The following ZBTB43 variants were observed in gnomAD, a reference collection of about 807,000 sequenced individuals.
ZBTB43 encodes the protein zinc finger and BTB domain-containing protein 43.
Under a neutral mutation model 31.1 loss-of-function variants are expected in ZBTB43, and 6 were observed. The observed-to-expected ratio is 0.19, with a 90% confidence interval of 0.11 to 0.38. The LOEUF is 0.38. ZBTB43 is among the 10% of genes least tolerant of loss of function. ZBTB43 has a pLI of 1.00. For synonymous variants in ZBTB43, 212 were observed against 221.7 expected (o/e 0.96, Z 0.39); for missense variants, 379 against 602.1 (o/e 0.63, Z 3.88).
intron 2 of ZBTB43, among the ~76,000 whole-genome samples, chr9:126,822,601 C>T (rs902397906): frequency 2.6e-5 from 4 of 152,120 alleles, no homozygotes; most frequent in African/African-American, 4.8e-5. Flanking sequence ...ATTAGCTGAA[C>T]ATGGTGATGC....
intron 2 of ZBTB43, among the ~76,000 whole-genome samples, chr9:126,816,916 C>T (rs921359498): frequency 3.3e-5 from 5 of 152,180 alleles, no homozygotes; most frequent in East Asian, 1.9e-4. Flanking sequence ...TAATGTGCAA[C>T]CTTTGGTATC....
chr9:126,810,125 G>A (rs548399114), intron 2 of ZBTB43, among the ~76,000 whole-genome samples: 2 of 151,996 alleles, frequency 1.3e-5, no homozygotes, highest in African/African-American at 2.4e-5. Context: ...GTGAGCCACC[G>A]CGCCCGGCCC....
At position 126,810,923 on chromosome 9, in the gene ZBTB43, C is replaced by G. The variant is rs189845415; in HGVS notation, c.-24+2008C>G. Among the ~76,000 whole-genome samples, 580 of 151,836 alleles carry G rather than the reference C, an allele frequency of 3.8e-3. 14 individuals are homozygous for G. The highest frequency in any genetic ancestry group is 0.032 in the Admixed American group (496 of 15,264). Reference sequence around the variant, plus strand: ...CACGTTTACTTTCCATACTCTGAAACTATAGTGATATTCACAGCCAGGCAC... The same window carrying G: ...CACGTTTACTTTCCATACTCTGAAAGTATAGTGATATTCACAGCCAGGCAC... On this transcript the variant is annotated intron_variant, in intron 2 of 2. Transcript: ENST00000373464.
At chr9:126,809,142 T>A (rs541182090) in intron 2 of ZBTB43, among the ~76,000 whole-genome samples, 1 of 152,366 alleles carries the variant, frequency 6.6e-6, no homozygotes, top group South Asian at 2.1e-4. Context: ...AAGTGAATTT[T>A]TTTTCTTAAC....
Position 126,837,817 on chromosome 9 carries a change from G to A in ZBTB43, c.*3904G>A, listed in dbSNP as rs1051756458. 1 of 166,094 alleles carries A rather than the reference G, an allele frequency of 6.0e-6. No individual in the cohort carries two copies. Among genetic ancestry groups the A allele is most frequent in the Non-Finnish European group, 1.5e-5 (1 of 67,984 alleles). 10.3% of individuals were successfully genotyped at this position (166,094 alleles called of 1,614,324 possible). ...GATAGTGCCCTATGGGGAGATGCTG[G>A]AACACATTTTGCAAATGTGACTTTT... On this transcript the variant is annotated 3_prime_UTR_variant, in exon 3 of 3. Coordinates refer to ENST00000373464, the MANE Select transcript of ZBTB43 (RefSeq NM_014007.4).
chr9:126,809,662 T>G (rs780685345), intron 2 of ZBTB43, among the ~76,000 whole-genome samples: 2 of 152,216 alleles, frequency 1.3e-5, no homozygotes, highest in African/African-American at 2.4e-5. Context: ...GAAGGAATCT[T>G]GAAGGTCATC....
chr9:126,813,233 G>A (rs1052839788), intron 2 of ZBTB43, among the ~76,000 whole-genome samples: 10 of 152,058 alleles, frequency 6.6e-5, no homozygotes, highest in African/African-American at 2.4e-4. Flanking sequence ...ACGTGCCTCA[G>A]CCTCCCAAAA....
intron 2 of ZBTB43, among the ~76,000 whole-genome samples, chr9:126,824,971 G>T (rs2032599512): frequency 6.6e-6 from 1 of 152,104 alleles, no homozygotes. Context: ...TTGAGACAGG[G>T]TCTCACTCTG....
At chr9:126,829,947 A>G (rs2032729605) in intron 2 of ZBTB43, among the ~76,000 whole-genome samples, 1 of 152,212 alleles carries the variant, frequency 6.6e-6, no homozygotes, top group Admixed American at 6.5e-5. Context: ...TTACTATGAA[A>G]TGTTTTAAGA....
At chr9:126,817,141 TTCTC>T (rs2032405824) in intron 2 of ZBTB43, among the ~76,000 whole-genome samples, 1 of 143,580 alleles carries the variant, frequency 7.0e-6, no homozygotes, top group African/African-American at 2.8e-5. Context: ...GACAGAGTCT[TTCTC>T]TGTCACCCAG....
rs551443615 is a variant in ZBTB43 at position 126,805,482 on chromosome 9, G to T, written c.-147+350G>T. ...GGGCGTAGGGTGGGCGCGGCTTGAC[G>T]ACCTCGGGTTCGAGCCACCAATGCC... On this transcript the variant is annotated intron_variant, in intron 1 of 2. Coordinates refer to ENST00000373464, the MANE Select transcript of ZBTB43 (RefSeq NM_014007.4). 2.2e-3 allele frequency among the ~76,000 whole-genome samples: 333 copies of T among 152,336 alleles called. 3 individuals carry two copies. Among genetic ancestry groups the T allele is most frequent in the African/African-American group, 7.2e-3 (299 of 41,592 alleles).
chr9:126,810,327 TG>T (rs890975298), intron 2 of ZBTB43, among the ~76,000 whole-genome samples: 2 of 151,916 alleles, frequency 1.3e-5, no homozygotes, highest in African/African-American at 4.8e-5. Context: ...CCTGAGTAGC[TG>T]GGATTACAGG....
intron 2 of ZBTB43, among the ~76,000 whole-genome samples, chr9:126,825,949 C>T (rs1285744179): frequency 1.3e-5 from 2 of 149,040 alleles, no homozygotes; most frequent in East Asian, 3.9e-4. Flanking sequence ...CGGGCTCAAG[C>T]GATTCTCATG....
chr9:126,804,291 A>G (rs1190431795), upstream of ZBTB43, among the ~76,000 whole-genome samples: 1 of 152,146 alleles, frequency 6.6e-6, no homozygotes, highest in Non-Finnish European at 1.5e-5. Context: ...GCCCAGCACA[A>G]TGCAGCCCAC....
Position 126,834,019 on chromosome 9 carries a change from A to T in ZBTB43, c.*106A>T, listed in dbSNP as rs1266200945. ...CTACTTGCTATTATGAGAGAAGCTTAAAAAAAAAAAGGAAGATATTTCTGA... is the reference window on the plus strand; with the variant it reads ...CTACTTGCTATTATGAGAGAAGCTTTAAAAAAAAAAGGAAGATATTTCTGA... On this transcript the variant is annotated 3_prime_UTR_variant, in exon 3 of 3. Coordinates refer to ENST00000373464, the MANE Select transcript of ZBTB43 (RefSeq NM_014007.4). 9 of 576,756 alleles carry T rather than the reference A, an allele frequency of 1.6e-5. No individual in the cohort carries two copies. The highest frequency in any genetic ancestry group is 1.0e-4 in the African/African-American group (5 of 49,288). 35.7% of individuals were successfully genotyped at this position (576,756 alleles called of 1,614,324 possible).
intron 1 of ZBTB43, among the ~76,000 whole-genome samples, 165 bp downstream of exon 1, chr9:126,805,297 C>T (rs1482216588): frequency 1.3e-5 from 2 of 152,230 alleles, no homozygotes; most frequent in African/African-American, 4.8e-5. Flanking sequence ...GGTCCCGGCG[C>T]TCCAGCTCCG....
At chr9:126,820,766 A>G (rs547474994) in intron 2 of ZBTB43, among the ~76,000 whole-genome samples, 3 of 152,002 alleles carry the variant, frequency 2.0e-5, no homozygotes, top group South Asian at 4.2e-4. Flanking sequence ...CTAGGGGTCC[A>G]AGACCAACCT....
intron 2 of ZBTB43, among the ~76,000 whole-genome samples, chr9:126,813,270 A>G (rs2032290193): frequency 2.0e-5 from 3 of 152,188 alleles, no homozygotes; most frequent in Admixed American, 2.0e-4. Flanking sequence ...GTGAGCCACC[A>G]TGCCTGGCCC....
At position 126,833,328 on chromosome 9, in the gene ZBTB43, C is replaced by G. The variant is rs369755467; in HGVS notation, c.819C>G (p.Ile273Met). ...TYDEHQVTES[I>M]NTVQTEHTVQ... ...ACGAGCACCAGGTCACAGAGTCCAT[C>G]AACACCGTGCAGACAGAGCACACGG... Residue 273 changes from isoleucine to methionine, a missense_variant, in exon 3 of 3, where the codon ATC becomes ATG. By Grantham distance (10) the Ile-to-Met change is conservative. Around this residue, in one of 5 missense-constraint regions of ZBTB43, gnomAD observed 253 missense variants for 322.3 expected, o/e 0.79. Transcript: ENST00000373464. The surrounding 1 kb of genome is among the most constrained non-coding windows in gnomAD (Gnocchi z 7.9). The G allele has an allele frequency of 5.6e-6, 9 of 1,612,728 alleles. No homozygotes were observed. In the Middle Eastern group the frequency reaches 4.9e-4, roughly 88 times the overall value.
Sources: gnomAD v4.1 joint callset for allele counts (sites outside exome capture counted in the v4.1 genomes callset) on GRCh38, gnomAD v4.1.1 for gene constraint, gnomAD v4.1.1 regional missense constraint, Gnocchi (gnomAD v3.1) non-coding constraint, MANE v1.5 for transcripts, NCBI Gene and HGNC (gene_info 2026-07-23, HGNC 2026-07-21) for gene names.